The following ERN2 variants were observed in gnomAD, a reference collection of about 807,000 sequenced individuals.
ERN2 encodes the protein serine/threonine-protein kinase/endoribonuclease IRE2.
In ERN2, 111 loss-of-function variants were observed where a neutral mutation model predicts 107.9. That is an observed-to-expected ratio of 1.03 (90% CI 0.88 to 1.20). The LOEUF is 1.20. Among genes scored for constraint, ERN2 ranks in the 50% most tolerant of loss-of-function variants. ERN2 has a pLI of 0.00. For missense variants in ERN2, 1,225 were observed against 1,197.9 expected (o/e 1.02, Z -0.33); for synonymous variants, 524 against 501.7 (o/e 1.04, Z -0.59).
intron 17 of ERN2, among the ~76,000 whole-genome samples, chr16:23,693,023 G>A (rs1332605971): frequency 6.6e-6 from 1 of 151,378 alleles, no homozygotes; most frequent in African/African-American, 2.4e-5. Context: ...TTTCTCAAAT[G>A]TTAAAATATT....
chr16:23,704,522 A>G (rs1960218433), intron 8 of ERN2, among the ~76,000 whole-genome samples: 1 of 152,142 alleles, frequency 6.6e-6, no homozygotes, highest in Non-Finnish European at 1.5e-5. Context: ...CATGATTGTG[A>G]GGCTTCCCCA....
chr16:23,694,148 C>T (rs1453520275), intron 17 of ERN2, among the ~76,000 whole-genome samples: 1 of 152,098 alleles, frequency 6.6e-6, no homozygotes, highest in Non-Finnish European at 1.5e-5. Flanking sequence ...GATGCACACA[C>T]CCACACCGGC....
Position 23,702,668 on chromosome 16 carries a change from A to C in ERN2, c.889T>G (p.Phe297Val). 1 of 1,614,176 alleles carries C rather than the reference A, an allele frequency of 6.2e-7. No homozygotes were observed. Among genetic ancestry groups the C allele is most frequent in the Non-Finnish European group, 8.5e-7 (1 of 1,180,008 alleles). The change falls in exon 9 of 22, where the codon TTC becomes GTC. Residue 297 changes from phenylalanine to valine, a missense_variant. By Grantham distance (50) the Phe-to-Val change is conservative. Transcript: ENST00000256797. ...TLYVGKDETG[F>V]YVSKALVHTG... ...TGGACCAGTGCTTTAGAGACATAGAAGCCAGTTTCATCCTTCCCCACATAC... is the reference window on the plus strand; with the variant it reads ...TGGACCAGTGCTTTAGAGACATAGACGCCAGTTTCATCCTTCCCCACATAC...
chr16:23,698,696 G>T (rs1959924247), intron 13 of ERN2, among the ~76,000 whole-genome samples: 1 of 151,992 alleles, frequency 6.6e-6, no homozygotes, highest in South Asian at 2.1e-4. Flanking sequence ...AGCAATTCTT[G>T]TACCTCAGCC....
rs1199520117 is a variant in ERN2 at position 23,694,914 on chromosome 16, C to T, written c.1914G>A (p.Leu638=). 4 of 1,614,214 alleles carry T rather than the reference C, an allele frequency of 2.5e-6. No individual in the cohort carries two copies. The South Asian group carries it at 3.3e-5, about 13-fold the overall frequency. The stretch of plus-strand genomic sequence containing the variant: ...CGGTGATGAGAATATTTCCTGGCTT[C>T]AGGTCCCGGTGCACTGTGGGAGAGG... The part of the protein sequence containing the change: ...LHSLHIVHRD[L]KPGNILITGP... The change falls in exon 17 of 22, where the codon CTG becomes CTA. Residue 638 remains leucine, a synonymous_variant. Transcript: ENST00000256797.
chr16:23,691,476 A>T (rs1343498864), intron 19 of ERN2, 51 bp from the exon 20 acceptor site: 2 of 1,580,728 alleles, frequency 1.3e-6, no homozygotes, highest in South Asian at 2.3e-5. Flanking sequence ...GAGGCCACAT[A>T]GCCAGGAGTG....
chr16:23,693,041 G>T (rs113008006), intron 17 of ERN2, among the ~76,000 whole-genome samples: 71 of 152,086 alleles, frequency 4.7e-4, no homozygotes, highest in African/African-American at 1.6e-3. Context: ...ATTGGGCCAG[G>T]CATGTGGCTG....
chr16:23,703,491 C>T (rs1960176084), intron 8 of ERN2, among the ~76,000 whole-genome samples: 1 of 152,178 alleles, frequency 6.6e-6, no homozygotes, highest in African/African-American at 2.4e-5. Context: ...TATAAAGTAT[C>T]TTCATTTCTT....
At position 23,710,519 on chromosome 16, in the gene ERN2, G is replaced by A; in HGVS notation, c.230C>T (p.Thr77Ile). ...DPVIEGPMYVTEMAFLSDPAD... is the reference protein window; with the variant it reads ...DPVIEGPMYVIEMAFLSDPAD... ...AAAAGGCCCCAGGTTCACTTACTCTGTGACGTACATTGGTCCTTCGATGAC... is the reference window on the plus strand; with the variant it reads ...AAAAGGCCCCAGGTTCACTTACTCTATGACGTACATTGGTCCTTCGATGAC... Residue 77 changes from threonine to isoleucine, a missense_variant, in exon 3 of 22, where the codon ACA (threonine) becomes ATA (isoleucine). Coordinates refer to ENST00000256797, the MANE Select transcript of ERN2 (RefSeq NM_033266.4). 1 of 1,614,176 alleles carries A rather than the reference G, an allele frequency of 6.2e-7. No individual in the cohort carries two copies. The highest frequency in any genetic ancestry group is 8.5e-7 in the Non-Finnish European group (1 of 1,180,024).
At chr16:23,703,581 A>G (rs1397848078) in intron 8 of ERN2, among the ~76,000 whole-genome samples, 1 of 152,236 alleles carries the variant, frequency 6.6e-6, no homozygotes, top group African/African-American at 2.4e-5. Context: ...AAATGAAAAT[A>G]TGATTAAATC....
chr16:23,702,806 CAGCTT>C, intron 8 of ERN2, 104 bp from the exon 9 acceptor site: 1 of 975,674 alleles, frequency 1.0e-6, no homozygotes, highest in Admixed American at 1.9e-5. Flanking sequence ...CACATTGACT[CAGCTT>C]AGCCATGAGA....
chr16:23,690,800 C>T lies in ERN2; in HGVS notation c.*31G>A, dbSNP rs772459464. ...GGCTCAGCTCTTCAGTGAGCCAGCA[C>T]GGAGACCATCTGTGTGGCATCCAGC... On this transcript the variant is annotated 3_prime_UTR_variant, in exon 22 of 22. Coordinates refer to ENST00000256797, the MANE Select transcript of ERN2 (RefSeq NM_033266.4). 9 of 1,571,644 alleles carry T rather than the reference C, an allele frequency of 5.7e-6. No homozygotes were observed. Among genetic ancestry groups the T allele is most frequent in the South Asian group, 1.1e-5 (1 of 89,954 alleles).
intron 4 of ERN2, among the ~76,000 whole-genome samples, chr16:23,708,367 T>G (rs1370086057): frequency 2.1e-5 from 3 of 143,164 alleles, no homozygotes; most frequent in Non-Finnish European, 4.6e-5. Flanking sequence ...TTTTTTTTTT[T>G]TTTTTTGGAG....
rs768038208 is a variant in ERN2 at position 23,694,734 on chromosome 16, G to C, written c.2094C>G (p.Asp698Glu). 1 of 1,605,718 alleles carries C rather than the reference G, an allele frequency of 6.2e-7. No individual in the cohort carries two copies. The highest frequency in any genetic ancestry group is 1.1e-5 in the South Asian group (1 of 90,078). The change falls in exon 17 of 22, where the codon GAC (aspartate) becomes GAG (glutamate). Residue 698 changes from aspartate to glutamate, a missense_variant. Physicochemically the swap from Asp to Glu is conservative, Grantham distance 45. Transcript: ENST00000256797. The part of the protein sequence containing the change: ...APELLQLLPP[D>E]SPTSAVDIFS... ...ACTTGGTGGATAGACTCACAGGACT[G>C]TCTGGTGGCAGGAGCTGCAGAAGCT...
Position 23,695,362 on chromosome 16 carries a change from AGC to A in ERN2, c.1636_1637del (p.Ala546CysfsTer23), listed in dbSNP as rs1299407090. ...AGCACTCGCGGAGGAGCCGCTTGAC[AGC>A]CACTGCCCGTCCCTCAAACTGTCCC... is the stretch of plus-strand genomic sequence containing the variant. ...FRGQFEGRAV[A>X]VKRLLRECFG... On this transcript the variant is annotated frameshift_variant, in exon 15 of 22. Coordinates refer to ENST00000256797, the MANE Select transcript of ERN2 (RefSeq NM_033266.4). LOFTEE classifies it high-confidence loss of function. 5 of 1,604,838 alleles carry A rather than the reference AGC, an allele frequency of 3.1e-6. No homozygotes were observed. The highest frequency in any genetic ancestry group is 4.3e-6 in the Non-Finnish European group (5 of 1,175,688).
rs75251635 is a variant in ERN2 at position 23,712,391 on chromosome 16, G to A, written c.93+704C>T. ...ATTTCTAATTTTTCCAGAGACATCC[G>A]ATCTGGCCACACTGGGCTTGCATTC... is the stretch of plus-strand genomic sequence containing the variant. On this transcript the variant is annotated intron_variant, in intron 1 of 21. Coordinates refer to ENST00000256797, the MANE Select transcript of ERN2 (RefSeq NM_033266.4). 8.0e-3 allele frequency: 1,440 copies of A among 179,714 alleles called. 32 individuals carry two copies. The highest frequency in any genetic ancestry group is 0.032 in the African/African-American group (1,350 of 41,864). 11.1% of individuals were successfully genotyped at this position (179,714 alleles called of 1,614,324 possible). A position where few individuals can be genotyped will look rare whatever the true frequency, so the allele number is the denominator to read the frequency against.
chr16:23,695,008 A>G lies in ERN2; in HGVS notation c.1900+11T>C. On this transcript the variant is annotated intron_variant, in intron 16 of 21. Coordinates refer to ENST00000256797, the MANE Select transcript of ERN2 (RefSeq NM_033266.4). Reference sequence around the variant, plus strand: ...AGGACAGGGAGCGGGAGGCAGGGGAAGTGCGGGTACCTATGTGTAAAGAGT... The same window carrying G: ...AGGACAGGGAGCGGGAGGCAGGGGAGGTGCGGGTACCTATGTGTAAAGAGT... 1 of 1,613,054 alleles carries G rather than the reference A, an allele frequency of 6.2e-7. No homozygotes were observed. Among genetic ancestry groups the G allele is most frequent in the Non-Finnish European group, 8.5e-7 (1 of 1,179,390 alleles).
intron 4 of ERN2, among the ~76,000 whole-genome samples, chr16:23,708,246 C>T (rs1466012829): frequency 6.6e-6 from 1 of 152,028 alleles, no homozygotes; most frequent in African/African-American, 2.4e-5. Flanking sequence ...ATTTGTGTCC[C>T]CACACAAATC....
chr16:23,711,199 T>C (rs1392115004), intron 1 of ERN2, among the ~76,000 whole-genome samples, 181 bp from the exon 2 acceptor site: 3 of 152,160 alleles, frequency 2.0e-5, no homozygotes, highest in Non-Finnish European at 4.4e-5. Flanking sequence ...AGAAGGGTTA[T>C]AGTGGAAGCT....
Sources: gnomAD v4.1 joint callset for allele counts (sites outside exome capture counted in the v4.1 genomes callset) on GRCh38, gnomAD v4.1.1 for gene constraint, MANE v1.5 for transcripts, NCBI Gene and HGNC (gene_info 2026-07-23, HGNC 2026-07-21) for gene names.